DIPK1A: variants seen among roughly 807,000 people sequenced by gnomAD.
The protein encoded by DIPK1A is divergent protein kinase domain 1A.
In DIPK1A, 27 loss-of-function variants were observed where a neutral mutation model predicts 40.8. The observed-to-expected ratio is 0.66, with a 90% CI of 0.49 to 0.91. DIPK1A has a LOEUF of 0.91. Ranked by LOEUF, DIPK1A falls within the 40% of genes least tolerant of loss-of-function variation. The pLI is 0.00. For missense variants in DIPK1A, 412 were observed against 505.7 expected, an observed-to-expected ratio of 0.81 and a Z score of 1.78; for synonymous variants, 166 against 171.3, an observed-to-expected ratio of 0.97 and a Z score of 0.24.
rs1687431407 is a variant in DIPK1A, at chr1:92,842,846, G to GT, written c.*536dup. 1 of 985,366 alleles carries GT rather than the reference G, an allele frequency of 1.0e-6. No homozygotes were observed. The highest frequency in any genetic ancestry group is 1.7e-5 in the African/African-American group (1 of 57,226). 61.0% of individuals were successfully genotyped at this position (985,366 alleles called of 1,614,324 possible). A position where few individuals can be genotyped will look rare whatever the true frequency, so the allele number is the denominator to read the frequency against. ...ACACATAACTTGATGTCTGAATGAG[G>GT]TTAAAAATGGGTGTATAAGTCTTTA... On this transcript the variant is annotated 3_prime_UTR_variant, in exon 5 of 5. Coordinates refer to ENST00000370310, the MANE Select transcript of DIPK1A (RefSeq NM_001006605.5).
At chr1:92,849,668 A>G (rs1430712733) in intron 3 of DIPK1A, among the ~76,000 whole-genome samples, 1 of 152,014 alleles carries the variant, frequency 6.6e-6, no homozygotes, top group Non-Finnish European at 1.5e-5. Context: ...ATGTGCCACC[A>G]CACCCGGCTA....
At chr1:92,872,491 C>T (rs898744405) in intron 2 of DIPK1A, among the ~76,000 whole-genome samples, 1 of 152,148 alleles carries the variant, frequency 6.6e-6, no homozygotes, top group Non-Finnish European at 1.5e-5. Context: ...GTTATTTTTA[C>T]ATTCTTTTTG....
At chr1:92,910,338 C>A (rs960291908) in intron 1 of DIPK1A, among the ~76,000 whole-genome samples, 1 of 152,090 alleles carries the variant, frequency 6.6e-6, no homozygotes, top group Non-Finnish European at 1.5e-5. Flanking sequence ...TTTAATTGTA[C>A]GTTGCCAGGA....
intron 2 of DIPK1A, among the ~76,000 whole-genome samples, chr1:92,870,693 C>T (rs948432261): frequency 6.6e-6 from 1 of 152,194 alleles, no homozygotes; most frequent in Non-Finnish European, 1.5e-5. Flanking sequence ...GCACTTATTC[C>T]TTCAGCACTG....
At chr1:92,948,777 GTA>G (rs71586769) in intron 1 of DIPK1A, among the ~76,000 whole-genome samples, 3 of 143,458 alleles carry the variant, frequency 2.1e-5, no homozygotes, top group African/African-American at 7.7e-5. Flanking sequence ...GTGTGTGTGT[GTA>G]TATATATATA....
chr1:92,906,916 C>T (rs1649647037), intron 1 of DIPK1A, among the ~76,000 whole-genome samples: 1 of 152,190 alleles, frequency 6.6e-6, no homozygotes, highest in African/African-American at 2.4e-5. Flanking sequence ...CCATTATAAA[C>T]AAGCTCACAT....
At chr1:92,960,226 A>G (rs574471688) in intron 1 of DIPK1A, among the ~76,000 whole-genome samples, 5 of 152,088 alleles carry the variant, frequency 3.3e-5, no homozygotes, top group Non-Finnish European at 7.4e-5. Flanking sequence ...TTGTCAAATC[A>G]TGCTTCCAAT....
rs1174298139 is a variant in DIPK1A at position 92,842,727 on chromosome 1, CTT to C, written c.*654_*655del. 9.1e-6 allele frequency: 9 copies of C among 985,278 alleles called. No homozygotes were observed. The highest frequency in any genetic ancestry group is 1.2e-4 in the Admixed American group (2 of 16,252). 61.0% of individuals were successfully genotyped at this position (985,278 alleles called of 1,614,324 possible). A position where few individuals can be genotyped will look rare whatever the true frequency, so the allele number is the denominator to read the frequency against. On this transcript the variant is annotated 3_prime_UTR_variant, in exon 5 of 5. Transcript: ENST00000370310. The stretch of plus-strand genomic sequence containing the variant: ...TGATACTAAGATGGGCCCTTTGAAT[CTT>C]TAGGAAAGTTCATCCATTTTTAGTC...
chr1:92,928,462 C>T (rs1029472939), intron 1 of DIPK1A, among the ~76,000 whole-genome samples: 1 of 152,110 alleles, frequency 6.6e-6, no homozygotes, highest in African/African-American at 2.4e-5. Context: ...CACTGATTTG[C>T]CATTTCTATT....
intron 1 of DIPK1A, among the ~76,000 whole-genome samples, chr1:92,922,401 G>A (rs1650304917): frequency 6.7e-6 from 1 of 150,112 alleles, no homozygotes; most frequent in Non-Finnish European, 1.5e-5. Context: ...GGTAAATAAT[G>A]CCTCAGGGAG....
chr1:92,893,871 G>A (rs999218662), intron 1 of DIPK1A, among the ~76,000 whole-genome samples: 1 of 151,590 alleles, frequency 6.6e-6, no homozygotes, highest in African/African-American at 2.4e-5. Flanking sequence ...TGATAAAACA[G>A]ACTTTAAACC....
At chr1:92,869,152 C>T (rs982089086) in intron 2 of DIPK1A, among the ~76,000 whole-genome samples, 6 of 146,302 alleles carry the variant, frequency 4.1e-5, no homozygotes, top group Middle Eastern at 3.5e-3. Context: ...AAATATTACA[C>T]TATTATTATT....
intron 1 of DIPK1A, among the ~76,000 whole-genome samples, chr1:92,913,219 T>A (rs1255581959): frequency 6.6e-6 from 1 of 152,218 alleles, no homozygotes; most frequent in Admixed American, 6.5e-5. Flanking sequence ...AATTGCAGGA[T>A]AAAATTCAAT....
intron 2 of DIPK1A, among the ~76,000 whole-genome samples, chr1:92,872,820 A>G (rs992279576): frequency 1.3e-5 from 2 of 152,222 alleles, no homozygotes; most frequent in African/African-American, 2.4e-5. Context: ...TGGCAAGTTC[A>G]TAACTCTAAT....
chr1:92,925,534 CCCAGGA>C (rs1396405347), intron 1 of DIPK1A, among the ~76,000 whole-genome samples: 1 of 152,050 alleles, frequency 6.6e-6, no homozygotes, highest in East Asian at 1.9e-4. Context: ...CGCGCTGCAA[CCCAGGA>C]TGGAGTGCAG....
chr1:92,852,007 CG>C (rs1687840775), intron 2 of DIPK1A, among the ~76,000 whole-genome samples: 1 of 152,198 alleles, frequency 6.6e-6, no homozygotes, highest in African/African-American at 2.4e-5. Context: ...TGATGAACTA[CG>C]GTTGGGAGAG....
At chr1:92,960,901 T>C (rs1652050647) in intron 1 of DIPK1A, among the ~76,000 whole-genome samples, 1 of 152,180 alleles carries the variant, frequency 6.6e-6, no homozygotes, top group Non-Finnish European at 1.5e-5. Context: ...GGAGGAATGC[T>C]ACACCACCTT....
intron 1 of DIPK1A, among the ~76,000 whole-genome samples, chr1:92,937,112 A>G (rs1402269063): frequency 6.6e-6 from 1 of 152,212 alleles, no homozygotes; most frequent in Non-Finnish European, 1.5e-5. Flanking sequence ...TAACAGATGT[A>G]AAACAGAAAA....
At chr1:92,834,728 G>T in intron 4 of DIPK1A, 4 of 1,608,136 alleles carry the variant, frequency 2.5e-6, no homozygotes, top group Non-Finnish European at 3.4e-6. Flanking sequence ...TTAAGATGTA[G>T]TAAGACAGTG....
Sources: gnomAD v4.1 joint callset for allele counts (sites outside exome capture counted in the v4.1 genomes callset) on GRCh38, gnomAD v4.1.1 for gene constraint, MANE v1.5 for transcripts, NCBI Gene and HGNC (gene_info 2026-07-23, HGNC 2026-07-21) for gene names.